Variants in TMEM132C observed in about 807,000 individuals in gnomAD.
TMEM132C encodes protein phosphatase 1, regulatory subunit 152.
TMEM132C carries 29 observed loss-of-function variants against 61.4 expected under a neutral mutation model. The observed-to-expected ratio is 0.47, with a 90% CI of 0.35 to 0.64. TMEM132C has a LOEUF of 0.64. Among genes scored for constraint, TMEM132C ranks in the 30% least tolerant of loss-of-function variants. The pLI is 0.00. For synonymous variants in TMEM132C, 656 were observed against 633.1 expected, an observed-to-expected ratio of 1.04 and a Z score of -0.54; for missense variants, 1,408 against 1,476.9, an observed-to-expected ratio of 0.95 and a Z score of 0.76.
At chr12:128,372,476 G>A (rs1320705829) in intron 1 of TMEM132C, among the ~76,000 whole-genome samples, 1 of 152,108 alleles carries the variant, frequency 6.6e-6, no homozygotes, top group Non-Finnish European at 1.5e-5. Context: ...GAGAACAAAA[G>A]CTACGTTTTC....
At chr12:128,601,903 C>T (rs560067117) in intron 3 of TMEM132C, among the ~76,000 whole-genome samples, 42 of 152,032 alleles carry the variant, frequency 2.8e-4, no homozygotes, top group Non-Finnish European at 5.9e-4. Flanking sequence ...GTATGGTGAC[C>T]GATTGCTTGC....
chr12:128,387,787 AAC>A (rs1874633423), intron 1 of TMEM132C, among the ~76,000 whole-genome samples: 1 of 152,150 alleles, frequency 6.6e-6, no homozygotes, highest in Non-Finnish European at 1.5e-5. Flanking sequence ...CAGCCTGGGC[AAC>A]AGAGTGAGAA....
chr12:128,688,250 A>G (rs1412539265), intron 5 of TMEM132C, among the ~76,000 whole-genome samples: 1 of 152,226 alleles, frequency 6.6e-6, no homozygotes, highest in Non-Finnish European at 1.5e-5. Context: ...CCATAATCCT[A>G]GTATCAACAA....
intron 3 of TMEM132C, among the ~76,000 whole-genome samples, chr12:128,589,264 C>T (rs547391706): frequency 6.6e-6 from 1 of 152,172 alleles, no homozygotes; most frequent in South Asian, 2.1e-4. Context: ...CCAGCCACCC[C>T]ACAGCAAGCT....
chr12:128,294,678 T>C (rs1449889652), intron 1 of TMEM132C, among the ~76,000 whole-genome samples: 1 of 152,122 alleles, frequency 6.6e-6, no homozygotes, highest in Non-Finnish European at 1.5e-5. Flanking sequence ...TCCTGGTTCA[T>C]AGACAGGGCT....
intron 2 of TMEM132C, among the ~76,000 whole-genome samples, chr12:128,463,701 C>G (rs796289800): frequency 6.6e-6 from 1 of 152,124 alleles, no homozygotes; most frequent in Non-Finnish European, 1.5e-5. Context: ...TCTCCCATCT[C>G]GGTGTGCCAT....
At chr12:128,614,804 A>G (rs1344408176) in intron 3 of TMEM132C, among the ~76,000 whole-genome samples, 1 of 152,252 alleles carries the variant, frequency 6.6e-6, no homozygotes, top group Non-Finnish European at 1.5e-5. Flanking sequence ...GGCAATTCAC[A>G]TAATCTCTAG....
At chr12:128,313,349 A>G (rs1249681917) in intron 1 of TMEM132C, among the ~76,000 whole-genome samples, 1 of 152,224 alleles carries the variant, frequency 6.6e-6, no homozygotes, top group African/African-American at 2.4e-5. Context: ...GTGAAATGGC[A>G]GAATCAGCCT....
chr12:128,385,220 A>G (rs1417646937), intron 1 of TMEM132C, among the ~76,000 whole-genome samples: 6 of 150,668 alleles, frequency 4.0e-5, no homozygotes. Context: ...CATTGCAAAT[A>G]TTTGAGACAT....
intron 2 of TMEM132C, among the ~76,000 whole-genome samples, chr12:128,478,560 A>G (rs867153494): frequency 2.3e-4 from 35 of 152,230 alleles, no homozygotes; most frequent in African/African-American, 7.2e-4. Context: ...TTTAAACCCT[A>G]CCCAGCCTCT....
intron 1 of TMEM132C, among the ~76,000 whole-genome samples, chr12:128,387,587 G>A (rs1874627549): frequency 6.6e-6 from 1 of 152,156 alleles, no homozygotes; most frequent in Admixed American, 6.5e-5. Context: ...CGAGGCGGGT[G>A]GATCACGAGG....
intron 2 of TMEM132C, among the ~76,000 whole-genome samples, chr12:128,464,320 C>T (rs1870646365): frequency 6.6e-6 from 1 of 152,212 alleles, no homozygotes. Context: ...CCTGCATGCA[C>T]TACAGTTGGC....
At chr12:128,523,890 G>T (rs1480334663) in intron 2 of TMEM132C, among the ~76,000 whole-genome samples, 1 of 151,494 alleles carries the variant, frequency 6.6e-6, no homozygotes, top group Non-Finnish European at 1.5e-5. Context: ...GCACACACCT[G>T]TAGTCCCAGC....
In TMEM132C at chr12:128,415,525, C is replaced by A; in HGVS notation, c.879C>A (p.Val293=). Residue 293 remains valine (V), a synonymous_variant, in exon 2 of 9, where the codon GTC becomes GTA. Coordinates refer to ENST00000435159, the MANE Select transcript of TMEM132C (RefSeq NM_001136103.3). The surrounding 1 kb of genome is among the most constrained non-coding windows in gnomAD (Gnocchi z 5.8). The part of the protein sequence containing the change: ...LSELRLDGNV[V]IWLPSRPVKQ... The stretch of plus-strand genomic sequence containing the variant: ...AGCTGCGTTTGGATGGTAACGTGGT[C>A]ATCTGGCTGCCTTCCAGGCCAGTCA... 1.3e-6 allele frequency: 2 copies of A among 1,551,472 alleles called. No individual in the cohort carries two copies. The highest frequency in any genetic ancestry group is 1.7e-4 in the Middle Eastern group (1 of 5,992).
chr12:128,336,249 T>A (rs948074226), intron 1 of TMEM132C, among the ~76,000 whole-genome samples: 1 of 152,248 alleles, frequency 6.6e-6, no homozygotes, highest in East Asian at 1.9e-4. Flanking sequence ...TTAAAAAATA[T>A]ATGCATGCCT....
At chr12:128,274,263 A>G (rs556524608) in intron 1 of TMEM132C, among the ~76,000 whole-genome samples, 40 of 152,340 alleles carry the variant, frequency 2.6e-4, no homozygotes, top group African/African-American at 8.2e-4. Context: ...ACACTTGCAT[A>G]TGGCTGGAAT....
intron 5 of TMEM132C, among the ~76,000 whole-genome samples, chr12:128,689,908 G>A (rs1348862795): frequency 6.6e-6 from 1 of 152,160 alleles, no homozygotes. Context: ...CCTGAGGCTC[G>A]CTCAAGTCTG....
chr12:128,639,865 T>A (rs1283017677), intron 4 of TMEM132C, among the ~76,000 whole-genome samples: 1 of 152,234 alleles, frequency 6.6e-6, no homozygotes, highest in African/African-American at 2.4e-5. Context: ...TGTGGCTATG[T>A]TAATACCATT....
chr12:128,401,661 A>G (rs529153033), intron 1 of TMEM132C, among the ~76,000 whole-genome samples: 203 of 152,310 alleles, frequency 1.3e-3, no homozygotes, highest in Non-Finnish European at 2.3e-3. Flanking sequence ...ATGTGGAATC[A>G]TTGCCCTTCT....
Sources: gnomAD v4.1 joint callset for allele counts (sites outside exome capture counted in the v4.1 genomes callset) on GRCh38, gnomAD v4.1.1 for gene constraint, Gnocchi (gnomAD v3.1) non-coding constraint, MANE v1.5 for transcripts, NCBI Gene and HGNC (gene_info 2026-07-23, HGNC 2026-07-21) for gene names.